Variants in BICRA observed in about 807,000 individuals in gnomAD.
The protein encoded by BICRA is BRD4-interacting chromatin-remodeling complex-associated protein.
Under a neutral mutation model 96.9 loss-of-function variants are expected in BICRA, and 31 were observed. The ratio of observed to expected loss-of-function variants is 0.32; its 90% CI spans 0.24 to 0.43. The LOEUF is 0.43. BICRA is among the 20% of genes least tolerant of loss of function. The probability of loss-of-function intolerance (pLI) is 1.00; values close to 1 mark genes in which losing one functional copy is unlikely to be tolerated. For synonymous variants in BICRA, 1,350 were observed against 1,071.8 expected, an observed-to-expected ratio of 1.26 and a Z score of -5.07; for missense variants, 2,283 against 2,190.3, an observed-to-expected ratio of 1.04 and a Z score of -0.84.
At chr19:47,638,351 G>A (rs1301385747) in intron 1 of BICRA, among the ~76,000 whole-genome samples, 1 of 152,184 alleles carries the variant, frequency 6.6e-6, no homozygotes. Flanking sequence ...CTGGGAAACA[G>A]CTTTTCTCTG....
chr19:47,701,770 G>C lies in BICRA; in HGVS notation c.4038G>C (p.Pro1346=), dbSNP rs1163360100. ...CTACCCTCAAGGTGGCCGAGCCCCC[G>C]CCACGGCCGCCACCACCACCGCCGC... The part of the protein sequence containing the change: ...PPATLKVAEP[P]PRPPPPPPPT... The change falls in exon 15 of 15, where the codon CCG becomes CCC. Residue 1346 remains proline, a synonymous_variant. Transcript: ENST00000594866. This position sits in a 1 kb window ranked among gnomAD's most constrained non-coding sequence, Gnocchi z 5.4. 6.0e-6 allele frequency: 9 copies of C among 1,491,998 alleles called. No individual in the cohort carries two copies. The highest frequency in any genetic ancestry group is 2.1e-4 in the Middle Eastern group (1 of 4,746). 92.4% of individuals were successfully genotyped at this position (1,491,998 alleles called of 1,614,324 possible).
At chr19:47,640,091 G>A (rs904939418) in intron 1 of BICRA, among the ~76,000 whole-genome samples, 5 of 152,188 alleles carry the variant, frequency 3.3e-5, no homozygotes, top group Non-Finnish European at 7.3e-5. Context: ...TCTGTCATAA[G>A]GCTACATTAT....
intron 7 of BICRA, among the ~76,000 whole-genome samples, chr19:47,690,455 CT>C (rs997882404): frequency 5.5e-4 from 83 of 152,254 alleles, no homozygotes; most frequent in African/African-American, 1.7e-3. Context: ...GTTGAGACCC[CT>C]AAGGGCAGTA....
chr19:47,695,405 C>T lies in BICRA; in HGVS notation c.3117C>T (p.Ala1039=). The change falls in exon 10 of 15, where the codon GCC becomes GCT. Residue 1039 remains alanine (A), a synonymous_variant. Coordinates refer to ENST00000594866, the MANE Select transcript of BICRA (RefSeq NM_001394372.1). ...TTCCAGCCGAGAACAAGGCTTTTGCCAGCAACCTCCCGACCCTGAATGTGG... is the reference window on the plus strand; with the variant it reads ...TTCCAGCCGAGAACAAGGCTTTTGCTAGCAACCTCCCGACCCTGAATGTGG... ...PLLPAENKAF[A]SNLPTLNVAK... 1 of 1,509,922 alleles carries T rather than the reference C, an allele frequency of 6.6e-7. No homozygotes were observed. The highest frequency in any genetic ancestry group is 1.8e-4 in the Middle Eastern group (1 of 5,550). 93.5% of individuals were successfully genotyped at this position (1,509,922 alleles called of 1,614,324 possible). A position where few individuals can be genotyped will look rare whatever the true frequency, so the allele number is the denominator to read the frequency against.
At chr19:47,615,622 G>GGTACCTACT (rs1206460348) in intron 1 of BICRA, 9 of 152,312 alleles carry the variant, frequency 5.9e-5, no homozygotes, top group Admixed American at 3.3e-4. Flanking sequence ...TAAGGCTCTT[G>GGTACCTACT]TGAGGGTCCC....
rs530987701 is a variant in BICRA, at chr19:47,694,585, G to T, written c.2754G>T (p.Lys918Asn). 6 of 1,584,092 alleles carry T rather than the reference G, an allele frequency of 3.8e-6. No individual in the cohort carries two copies. The South Asian group carries it at 6.6e-5, about 18-fold the overall frequency. Residue 918 changes from lysine to asparagine, a missense_variant, in exon 8 of 15, where the codon AAG becomes AAT. Physicochemically the swap from Lys to Asn is moderately conservative, Grantham distance 94 (BLOSUM62 0). Transcript: ENST00000594866. ...TCCCACCCAGCCAGGGGCCCCACAA[G>T]TCCCCCACTCCCCCTCCAACCCTCC... is the stretch of plus-strand genomic sequence containing the variant. ...LQFPPSQGPHKSPTPPPTLHL... is the reference protein window; with the variant it reads ...LQFPPSQGPHNSPTPPPTLHL...
At chr19:47,649,020 T>G (rs1322137009) in intron 1 of BICRA, among the ~76,000 whole-genome samples, 1 of 151,980 alleles carries the variant, frequency 6.6e-6, no homozygotes, top group African/African-American at 2.4e-5. Context: ...CCTGGCTAAT[T>G]TTTTGTATTT....
chr19:47,675,618 C>T lies in BICRA; in HGVS notation c.85-233C>T, dbSNP rs748862361. Among the ~76,000 whole-genome samples the T allele has an allele frequency of 3.4e-4, 51 of 152,226 alleles. No individual in the cohort carries two copies. Among genetic ancestry groups the T allele is most frequent in the Non-Finnish European group, 6.2e-4 (42 of 68,034 alleles). On this transcript the variant is annotated intron_variant, in intron 4 of 14. Coordinates refer to ENST00000594866, the MANE Select transcript of BICRA (RefSeq NM_001394372.1). The surrounding 1 kb of genome is among the most constrained non-coding windows in gnomAD (Gnocchi z 4.7). Reference sequence around the variant, plus strand: ...ATTCGAGGCAGTCACAGCAGGATCGCTTCGCAGGCCAGGCTCGGGGACTCA... The same window carrying T: ...ATTCGAGGCAGTCACAGCAGGATCGTTTCGCAGGCCAGGCTCGGGGACTCA...
At chr19:47,686,325 T>C (rs1973158278) in intron 7 of BICRA, among the ~76,000 whole-genome samples, 1 of 152,178 alleles carries the variant, frequency 6.6e-6, no homozygotes, top group Admixed American at 6.6e-5. Context: ...TCATGAAATA[T>C]TACCTATATT....
chr19:47,611,770 A>G (rs1971910478), intron 1 of BICRA, among the ~76,000 whole-genome samples: 1 of 152,128 alleles, frequency 6.6e-6, no homozygotes, highest in Admixed American at 6.6e-5. Context: ...AGTGACCTGG[A>G]GGTGGGTAAA....
chr19:47,687,479 C>G (rs1281160339), intron 7 of BICRA, among the ~76,000 whole-genome samples: 2 of 152,036 alleles, frequency 1.3e-5, no homozygotes, highest in Non-Finnish European at 2.9e-5. Context: ...GTTTATTTGT[C>G]ATTGTTAACA....
rs963690793 is a variant in BICRA at position 47,696,283 on chromosome 19, C to T, written c.3187-168C>T. On this transcript the variant is annotated intron_variant, in intron 10 of 14. Coordinates refer to ENST00000594866, the MANE Select transcript of BICRA (RefSeq NM_001394372.1). ...CTCCCCAGCCCAGCCCAGGTCTTCCCCTGGGGTTCATTGTGATGGGCAGGG... is the reference window on the plus strand; with the variant it reads ...CTCCCCAGCCCAGCCCAGGTCTTCCTCTGGGGTTCATTGTGATGGGCAGGG... Among the ~76,000 whole-genome samples the T allele has an allele frequency of 3.3e-5, 5 of 152,156 alleles. No individual in the cohort carries two copies. The East Asian group carries it at 9.7e-4, about 29-fold the overall frequency.
intron 1 of BICRA, among the ~76,000 whole-genome samples, chr19:47,612,629 G>GGGAGAGGGGCTGGGGGGCTGAC (rs1197927428): frequency 1.3e-5 from 2 of 151,656 alleles, no homozygotes; most frequent in East Asian, 1.9e-4. Context: ...GGGGGGCTGA[G>GGGAGAGGGGCTGGGGGGCTGAC]GGAGAGGGGC....
chr19:47,694,988 C>A lies in BICRA; in HGVS notation c.2984C>A (p.Pro995His). Residue 995 changes from proline (P) to histidine (H), a missense_variant, in exon 9 of 15, where the codon CCC (proline) becomes CAC (histidine). Pro to His is a moderately conservative substitution (Grantham distance 77). Transcript: ENST00000594866. ...ACCAGCCTGGGGCCCCTCACCAGCC[C>A]CGCTGCGTCTGTGCTGGTCAGTGGG... ...TSTSLGPLTS[P>H]AASVLVSGQA... The A allele has an allele frequency of 6.4e-7, 1 of 1,551,338 alleles. No homozygotes were observed.
At chr19:47,693,868 G>A (rs984708342) in intron 7 of BICRA, among the ~76,000 whole-genome samples, 1 of 152,154 alleles carries the variant, frequency 6.6e-6, no homozygotes, top group Non-Finnish European at 1.5e-5. Context: ...GGTTGAGATC[G>A]GAGGCCAGAG....
intron 7 of BICRA, among the ~76,000 whole-genome samples, chr19:47,692,697 C>CTGAT (rs1235160355): frequency 6.6e-5 from 10 of 152,166 alleles, no homozygotes; most frequent in Non-Finnish European, 1.2e-4. Context: ...CTTTTGAAGA[C>CTGAT]TGATTGATTG....
intron 1 of BICRA, among the ~76,000 whole-genome samples, chr19:47,668,447 G>A (rs1972815511): frequency 6.6e-6 from 1 of 150,662 alleles, no homozygotes; most frequent in African/African-American, 2.4e-5. Flanking sequence ...TGTCGTTTTT[G>A]CAATCTGTTT....
At chr19:47,663,051 A>G (rs1011938541) in intron 1 of BICRA, 2 of 152,214 alleles carry the variant, frequency 1.3e-5, no homozygotes, top group African/African-American at 4.8e-5. Context: ...CTTAAACCAT[A>G]AGGATTAACA....
chr19:47,686,341 G>A (rs1973158598), intron 7 of BICRA, among the ~76,000 whole-genome samples: 1 of 152,112 alleles, frequency 6.6e-6, no homozygotes, highest in Non-Finnish European at 1.5e-5. Flanking sequence ...ATATTACAAT[G>A]TGTGATACAC....
Sources: gnomAD v4.1 joint callset for allele counts (sites outside exome capture counted in the v4.1 genomes callset) on GRCh38, gnomAD v4.1.1 for gene constraint, Gnocchi (gnomAD v3.1) non-coding constraint, MANE v1.5 for transcripts, NCBI Gene and HGNC (gene_info 2026-07-23, HGNC 2026-07-21) for gene names.